Variants in CA5B observed in about 807,000 individuals in gnomAD.
CA5B encodes the protein carbonic anhydrase 5B.
CA5B carries 15 observed loss-of-function variants against 23.1 expected under a neutral mutation model. That is an observed-to-expected ratio of 0.65 (90% CI 0.43 to 1.00). CA5B has a LOEUF of 1.00. Among genes scored for constraint, CA5B ranks in the 50% least tolerant of loss-of-function variants. The probability of loss-of-function intolerance (pLI) is 0.00; values close to 1 mark genes in which losing one functional copy is unlikely to be tolerated. For missense variants in CA5B, 236 were observed against 252.2 expected (o/e 0.94, Z 0.43); for synonymous variants, 84 against 98.5 (o/e 0.85, Z 0.87).
At chrX:15,741,874 TCTC>T (rs1387491122) in intron 1 of CA5B, among the ~76,000 whole-genome samples, 1 of 111,776 alleles carries the variant, frequency 8.9e-6, no homozygotes, top group African/African-American at 3.3e-5. Flanking sequence ...TTCCTTTTAT[TCTC>T]CTTTAACTGA....
intron 2 of CA5B, among the ~76,000 whole-genome samples, chrX:15,752,605 G>C (rs1214701358): frequency 1.8e-5 from 2 of 110,802 alleles, no homozygotes; most frequent in Non-Finnish European, 3.8e-5. Flanking sequence ...GGCGCCTGCA[G>C]TCCCAGCTAC....
At position 15,770,188 on chromosome X, in the gene CA5B, C is replaced by T. The variant is rs188888799; in HGVS notation, c.341-2308C>T. Among the ~76,000 whole-genome samples, 148 of 109,810 alleles carry T rather than the reference C, an allele frequency of 1.3e-3. 1 individual carries two copies. Among genetic ancestry groups the T allele is most frequent in the African/African-American group, 4.1e-3 (123 of 30,164 alleles). On this transcript the variant is annotated intron_variant, in intron 3 of 7. Coordinates refer to ENST00000318636, the MANE Select transcript of CA5B (RefSeq NM_007220.4). ...ATTATTTGGGCATGGTGGCACACGC[C>T]TGTAATTCCAGCTTCTTGGGGAGGC...
intron 2 of CA5B, among the ~76,000 whole-genome samples, chrX:15,763,216 G>A (rs187678593): frequency 8.9e-6 from 1 of 112,180 alleles, no homozygotes; most frequent in Admixed American, 9.5e-5. Context: ...GGCTACGCAA[G>A]CCTTTTTTTC....
At chrX:15,743,771 G>C (rs1053213891) in intron 1 of CA5B, among the ~76,000 whole-genome samples, 11 of 111,327 alleles carry the variant, frequency 9.9e-5, no homozygotes, top group African/African-American at 3.6e-4. Flanking sequence ...GCATCCCCTG[G>C]GCATCTGCTT....
At position 15,748,511 on chromosome X, in the gene CA5B, A is replaced by G. The variant is rs761684647; in HGVS notation, c.-53-1460A>G. On this transcript the variant is annotated intron_variant, in intron 1 of 7. Transcript: ENST00000318636. ...CCATGTTTGATATCCTGAGTCAAAC[A>G]TTTGCATCTCTTAAATAAGGTGCAT... is the stretch of plus-strand genomic sequence containing the variant. Among the ~76,000 whole-genome samples, 13 of 111,834 alleles carry G rather than the reference A, an allele frequency of 1.2e-4. No individual in the cohort carries two copies. The South Asian group carries it at 4.5e-3, about 39-fold the overall frequency.
In CA5B at chrX:15,764,682, C is replaced by G. The variant is rs1379030882; in HGVS notation, c.247C>G (p.Leu83Val). 1.2e-5 allele frequency: 14 copies of G among 1,196,499 alleles called. No individual in the cohort carries two copies. Among genetic ancestry groups the G allele is most frequent in the Non-Finnish European group, 1.6e-5 (14 of 886,323 alleles). ...DSVYDPGLKP[L>V]TISYDPATCL... ...TGTTTATGATCCCGGCTTAAAACCA[C>G]TGACCATCTCTTATGACCCAGCCAC... Residue 83 changes from leucine (L) to valine (V), a missense_variant, in exon 3 of 8, where the codon CTG becomes GTG. Around this residue, in one of 3 missense-constraint regions of CA5B, gnomAD observed 12 missense variants for 43.6 expected, o/e 0.28. Coordinates refer to ENST00000318636, the MANE Select transcript of CA5B (RefSeq NM_007220.4).
chrX:15,774,855 T>A lies in CA5B; in HGVS notation c.556-391T>A, dbSNP rs769793148. 4.4e-3 allele frequency among the ~76,000 whole-genome samples: 489 copies of A among 111,697 alleles called. 6 individuals carry two copies. Among genetic ancestry groups the A allele is most frequent in the African/African-American group, 0.015 (472 of 30,712 alleles). ...TCCATCCCCCCCACCACCAAAAAAA[T>A]ATATATATTTTAAATGATATAAAAA... On this transcript the variant is annotated intron_variant, in intron 5 of 7. Coordinates refer to ENST00000318636, the MANE Select transcript of CA5B (RefSeq NM_007220.4).
Position 15,785,864 on chromosome X carries a change from ATTT to A in CA5B, c.*3207_*3209del, listed in dbSNP as rs748757429. ...TTTCCTCCTAGCTGTCTTGTTTTTT[ATTT>A]TTTTTTATTTTTTTTATTTTTTTGA... On this transcript the variant is annotated 3_prime_UTR_variant, in exon 8 of 8. Transcript: ENST00000318636. 1 of 84,167 alleles carries A rather than the reference ATTT, an allele frequency of 1.2e-5. No individual in the cohort carries two copies. Among genetic ancestry groups the A allele is most frequent in the African/African-American group, 4.3e-5 (1 of 23,039 alleles). 6.9% of individuals were successfully genotyped at this position (84,167 alleles called of 1,213,427 possible).
chrX:15,743,811 G>T (rs1601776309), intron 1 of CA5B, among the ~76,000 whole-genome samples: 1 of 111,904 alleles, frequency 8.9e-6, no homozygotes, highest in Non-Finnish European at 1.9e-5. Flanking sequence ...ATTAATAGCA[G>T]ACTTGGAATG....
At chrX:15,773,725 A>G (rs1339735321) in intron 4 of CA5B, among the ~76,000 whole-genome samples, 1 of 110,562 alleles carries the variant, frequency 9.0e-6, no homozygotes, top group Non-Finnish European at 1.9e-5. Context: ...GCTAATTTTT[A>G]AATTTTTTTG....
In CA5B at chrX:15,772,590, G is replaced by A; in HGVS notation, c.435G>A (p.Val145=). 8.4e-7 allele frequency: 1 copy of A among 1,191,840 alleles called. No homozygotes were observed. The highest frequency in any genetic ancestry group is 1.1e-6 in the Non-Finnish European group (1 of 879,054). The change falls in exon 4 of 8, where the codon GTG becomes GTA. Residue 145 remains valine (V), a synonymous_variant. Coordinates refer to ENST00000318636, the MANE Select transcript of CA5B (RefSeq NM_007220.4). ...ATGCCTGGGGTTCTGAGCACACCGT[G>A]GACAGCAAATGCTTCCCAGCAGAGG... ...AIDAWGSEHT[V]DSKCFPAELH...
intron 3 of CA5B, among the ~76,000 whole-genome samples, chrX:15,766,155 C>CAA (rs58783397): frequency 4.9e-5 from 2 of 41,225 alleles, no homozygotes; most frequent in Non-Finnish European, 8.5e-5. Context: ...GACTCTGTCT[C>CAA]AAAAAAAAAA....
chrX:15,779,322 C>G (rs958079534), intron 7 of CA5B, among the ~76,000 whole-genome samples: 4 of 111,681 alleles, frequency 3.6e-5, no homozygotes, highest in African/African-American at 1.3e-4. Flanking sequence ...TATTGGATGA[C>G]TCCCATCTAC....
At position 15,774,287 on chromosome X, in the gene CA5B, T is replaced by A; in HGVS notation, c.460-15T>A. The A allele has an allele frequency of 9.1e-6, 11 of 1,202,557 alleles. No individual in the cohort carries two copies. The highest frequency in any genetic ancestry group is 1.1e-5 in the Non-Finnish European group (10 of 891,217). On this transcript the variant is annotated splice_polypyrimidine_tract_variant and intron_variant, in intron 4 of 7. Transcript: ENST00000318636. The stretch of plus-strand genomic sequence containing the variant: ...TGTATAGTCACGTGTTAACCCTCTT[T>A]TCATGGTGTTTCAGCTGCACTTAGT...
chrX:15,772,405 C>T (rs887953685), intron 3 of CA5B, 91 bp from the exon 4 acceptor site: 2 of 535,625 alleles, frequency 3.7e-6, no homozygotes, highest in African/African-American at 4.6e-5. Context: ...AGACAGTTCA[C>T]ATGGAGGGTC....
chrX:15,742,397 C>T (rs959408409), intron 1 of CA5B, among the ~76,000 whole-genome samples: 2 of 112,078 alleles, frequency 1.8e-5, no homozygotes, highest in Admixed American at 9.4e-5. Context: ...GACGGAGTCT[C>T]GCTCTGTCAC....
Position 15,784,563 on chromosome X carries a change from A to G in CA5B, c.*1899A>G, listed in dbSNP as rs1459181846. 9.0e-6 allele frequency: 1 copy of G among 111,539 alleles called. No individual in the cohort carries two copies. Among genetic ancestry groups the G allele is most frequent in the Non-Finnish European group, 1.9e-5 (1 of 53,131 alleles). 9.2% of individuals were successfully genotyped at this position (111,539 alleles called of 1,213,427 possible). On this transcript the variant is annotated 3_prime_UTR_variant, in exon 8 of 8. Transcript: ENST00000318636. Reference sequence around the variant, plus strand: ...TGAATGCCTCTAAGCCTATGTTCAGACTCTGTTGCGTCAATGACTGGTAGT... The same window carrying G: ...TGAATGCCTCTAAGCCTATGTTCAGGCTCTGTTGCGTCAATGACTGGTAGT...
At chrX:15,781,196 C>T (rs188438366) in intron 7 of CA5B, among the ~76,000 whole-genome samples, 68 of 110,170 alleles carry the variant, frequency 6.2e-4, no homozygotes, top group African/African-American at 2.1e-3. Flanking sequence ...AGGCTGGTCT[C>T]GAACTTCTGA....
At chrX:15,758,615 T>C (rs1350229659) in intron 2 of CA5B, among the ~76,000 whole-genome samples, 1 of 111,821 alleles carries the variant, frequency 8.9e-6, no homozygotes, top group South Asian at 3.7e-4. Context: ...CAAGAGATTC[T>C]CCTGCCTCAG....
Sources: gnomAD v4.1 joint callset for allele counts (sites outside exome capture counted in the v4.1 genomes callset) on GRCh38, gnomAD v4.1.1 for gene constraint, gnomAD v4.1.1 regional missense constraint, MANE v1.5 for transcripts, NCBI Gene and HGNC (gene_info 2026-07-23, HGNC 2026-07-21) for gene names.